ELAPOR1: variants seen among roughly 807,000 people sequenced by gnomAD.
The protein encoded by ELAPOR1 is endosome/lysosome-associated apoptosis and autophagy regulator 1.
In ELAPOR1, 77 loss-of-function variants were observed where a neutral mutation model predicts 119.7. The ratio of observed to expected loss-of-function variants is 0.64; its 90% CI spans 0.54 to 0.78. The LOEUF (loss-of-function observed/expected upper bound fraction) is 0.78, where lower values mean the gene tolerates loss of function less well. Ranked by LOEUF, ELAPOR1 falls within the 30% of genes least tolerant of loss-of-function variation. The probability of loss-of-function intolerance (pLI) is 0.00; values close to 1 mark genes in which losing one functional copy is unlikely to be tolerated. For synonymous variants in ELAPOR1, 481 were observed against 487.2 expected (o/e 0.99, Z 0.17); for missense variants, 1,115 against 1,270.4 (o/e 0.88, Z 1.86).
intron 7 of ELAPOR1, among the ~76,000 whole-genome samples, chr1:109,180,875 G>A (rs746934603): frequency 1.3e-5 from 2 of 152,108 alleles, no homozygotes; most frequent in Non-Finnish European, 2.9e-5. Flanking sequence ...TGAGGTGGGA[G>A]GATCACCTGA....
At chr1:109,139,241 T>C (rs1232815430) in intron 1 of ELAPOR1, among the ~76,000 whole-genome samples, 2 of 151,924 alleles carry the variant, frequency 1.3e-5, no homozygotes, top group Non-Finnish European at 2.9e-5. Flanking sequence ...TCCCAGCCAT[T>C]TGGGGAGCTG....
intron 8 of ELAPOR1, chr1:109,186,982 A>C: frequency 1.0e-6 from 1 of 985,556 alleles, no homozygotes; most frequent in Non-Finnish European, 1.2e-6. Context: ...TGCTTTCAGG[A>C]GTGCGCATGA....
In ELAPOR1 at chr1:109,137,678, G is replaced by A. The variant is rs535275550; in HGVS notation, c.153+23342G>A. Among the ~76,000 whole-genome samples, 58 of 151,538 alleles carry A rather than the reference G, an allele frequency of 3.8e-4. 1 individual carries two copies. The highest frequency in any genetic ancestry group is 1.3e-3 in the African/African-American group (55 of 41,310). On this transcript the variant is annotated intron_variant, in intron 1 of 21. Transcript: ENST00000369939. ...TAAGTAGCTGGGATTACAGGCATGC[G>A]CCACCACCCCCGGCTAATTTTGTAT...
intron 5 of ELAPOR1, 70 bp downstream of exon 5, chr1:109,172,638 T>C (rs1473769220): frequency 2.6e-6 from 3 of 1,147,068 alleles, no homozygotes; most frequent in Admixed American, 1.9e-5. Flanking sequence ...CAGAGAGTGC[T>C]TCCTCCCAGT....
chr1:109,120,854 C>T lies in ELAPOR1; in HGVS notation c.153+6518C>T, dbSNP rs144120986. Among the ~76,000 whole-genome samples the T allele has an allele frequency of 4.5e-4, 68 of 152,294 alleles. No individual in the cohort carries two copies. The East Asian group carries it at 0.012, about 28-fold the overall frequency. On this transcript the variant is annotated intron_variant, in intron 1 of 21. Transcript: ENST00000369939. ...CAGATGAATTCTCATTCAGATCACT[C>T]ACTAAATAGAGTCCAGGTGAAAGCA...
At chr1:109,172,417 G>A (rs1336031291) in intron 4 of ELAPOR1, 71 bp from the exon 5 acceptor site, 8 of 1,155,190 alleles carry the variant, frequency 6.9e-6, no homozygotes, top group Non-Finnish European at 7.8e-6. Context: ...TGGAGGGCTG[G>A]TGCAATGTGG....
chr1:109,134,936 T>TA (rs551873067), intron 1 of ELAPOR1, among the ~76,000 whole-genome samples: 182 of 152,058 alleles, frequency 1.2e-3, no homozygotes, highest in African/African-American at 4.1e-3. Flanking sequence ...TCCCTCTCTT[T>TA]AAAAAAAATC....
intron 1 of ELAPOR1, among the ~76,000 whole-genome samples, chr1:109,149,543 C>T (rs1240487309): frequency 3.9e-5 from 6 of 152,086 alleles, no homozygotes; most frequent in African/African-American, 1.2e-4. Context: ...TCCCAGCACC[C>T]GCACAGCTCC....
In ELAPOR1 at chr1:109,165,912, A is replaced by AT. The variant is rs561158580; in HGVS notation, c.467+1233dup. 8.9e-3 allele frequency among the ~76,000 whole-genome samples: 1,233 copies of AT among 138,356 alleles called. 19 individuals are homozygous for AT. Among genetic ancestry groups the AT allele is most frequent in the African/African-American group, 0.024 (882 of 37,438 alleles). The allele number at this position is 138,356 out of a possible 152,430, so 90.8% of individuals were successfully genotyped here. ...GTGTGTGTGCCACAATGCCCGGCTA[A>AT]TTTTTTTTTTTTCTTTTTTTTGAGA... On this transcript the variant is annotated intron_variant, in intron 3 of 21. Coordinates refer to ENST00000369939, the MANE Select transcript of ELAPOR1 (RefSeq NM_020775.5).
intron 1 of ELAPOR1, among the ~76,000 whole-genome samples, chr1:109,127,783 C>G (rs977472437): frequency 3.4e-5 from 5 of 148,642 alleles, no homozygotes; most frequent in Non-Finnish European, 7.5e-5. Context: ...AGGCTGGTCT[C>G]GAACTCCTGG....
chr1:109,131,825 G>A (rs898890752), intron 1 of ELAPOR1, among the ~76,000 whole-genome samples: 1 of 152,260 alleles, frequency 6.6e-6, no homozygotes, highest in East Asian at 1.9e-4. Flanking sequence ...TAGTTCCTGG[G>A]CAGGTCATTG....
intron 1 of ELAPOR1, among the ~76,000 whole-genome samples, chr1:109,151,675 C>T (rs1396710338): frequency 6.6e-6 from 1 of 152,192 alleles, no homozygotes; most frequent in Non-Finnish European, 1.5e-5. Context: ...TAGTCTCTCC[C>T]TAACAGTCAG....
chr1:109,191,635 C>T, intron 12 of ELAPOR1, 91 bp from the exon 13 acceptor site: 1 of 1,548,272 alleles, frequency 6.5e-7, no homozygotes, highest in Non-Finnish European at 8.9e-7. Flanking sequence ...AGGGTCTCAC[C>T]AACCGTGATG....
intron 7 of ELAPOR1, among the ~76,000 whole-genome samples, chr1:109,174,661 G>A (rs1479660567): frequency 6.6e-6 from 1 of 151,642 alleles, no homozygotes. Context: ...TGGTGTCATG[G>A]CAAAAAGAAA....
At position 109,192,772 on chromosome 1, in the gene ELAPOR1, A is replaced by G. The variant is rs749428626; in HGVS notation, c.1845A>G (p.Ser615=). The part of the protein sequence containing the change: ...CPAGYYIDRD[S]GTCHSCPTNT... ...CTGGTTACTATATTGACCGAGATTC[A>G]GGAACCTGCCACTCCTGCCCCACTA... The change falls in exon 14 of 22, where the codon TCA becomes TCG. Residue 615 remains serine (S), a synonymous_variant. Transcript: ENST00000369939. 2 of 1,613,928 alleles carry G rather than the reference A, an allele frequency of 1.2e-6. No individual in the cohort carries two copies. Among genetic ancestry groups the G allele is most frequent in the East Asian group, 2.2e-5 (1 of 44,866 alleles).
intron 1 of ELAPOR1, among the ~76,000 whole-genome samples, chr1:109,143,751 C>G (rs892284433): frequency 7.2e-5 from 11 of 151,890 alleles, no homozygotes; most frequent in Non-Finnish European, 1.5e-4. Context: ...CTCAATGCAG[C>G]CTTGACCTCC....
intron 1 of ELAPOR1, among the ~76,000 whole-genome samples, chr1:109,115,017 A>C (rs967175249): frequency 6.6e-6 from 1 of 152,164 alleles, no homozygotes; most frequent in Non-Finnish European, 1.5e-5. Flanking sequence ...GCCAACCTCT[A>C]GTCTCCTTCT....
intron 21 of ELAPOR1, among the ~76,000 whole-genome samples, chr1:109,202,106 A>G (rs1224673671): frequency 1.3e-5 from 2 of 151,986 alleles, no homozygotes; most frequent in East Asian, 3.9e-4. Context: ...TCTCTAAAAA[A>G]CATGTATTTA....
At chr1:109,191,236 T>C in intron 11 of ELAPOR1, 130 bp from the exon 12 acceptor site, 1 of 615,626 alleles carries the variant, frequency 1.6e-6, no homozygotes, top group South Asian at 2.0e-5. Context: ...CAGAATTGGA[T>C]TTAGTCCACA....
Sources: allele counts gnomAD v4.1 joint callset (sites outside exome capture counted in the v4.1 genomes callset), GRCh38; gene constraint gnomAD v4.1.1; transcripts MANE v1.5; gene names NCBI Gene and HGNC (gene_info 2026-07-23, HGNC 2026-07-21).